The following NRXN3 variants were observed in gnomAD, a reference collection of about 807,000 sequenced individuals.
The protein encoded by NRXN3 is neurexin III.
In NRXN3, 32 loss-of-function variants were observed where a neutral mutation model predicts 137.6. That is an observed-to-expected ratio of 0.23 (90% confidence interval 0.18 to 0.31). NRXN3 has a LOEUF of 0.31. Among genes scored for constraint, NRXN3 ranks in the 10% least tolerant of loss-of-function variants. The probability of loss-of-function intolerance (pLI) is 1.00; values close to 1 mark genes in which losing one functional copy is unlikely to be tolerated. For synonymous variants in NRXN3, 798 were observed against 784.5 expected (o/e 1.02, Z -0.29); for missense variants, 1,574 against 2,062.5 (o/e 0.76, Z 4.59).
chr14:78,747,952 T>G (rs1477045399), intron 8 of NRXN3, among the ~76,000 whole-genome samples: 2 of 152,222 alleles, frequency 1.3e-5, no homozygotes, highest in African/African-American at 4.8e-5. Flanking sequence ...ATGCATTTTT[T>G]AAAGCACTTT....
At chr14:78,864,361 T>C (rs2099080944) in intron 10 of NRXN3, among the ~76,000 whole-genome samples, 1 of 152,128 alleles carries the variant, frequency 6.6e-6, no homozygotes, top group Non-Finnish European at 1.5e-5. Flanking sequence ...AATTTGCAAA[T>C]TGAGAATAAT....
At chr14:79,449,048 G>A (rs2096119620) in intron 15 of NRXN3, among the ~76,000 whole-genome samples, 1 of 152,188 alleles carries the variant, frequency 6.6e-6, no homozygotes, top group Non-Finnish European at 1.5e-5. Flanking sequence ...TTCTCTCGCA[G>A]AACAAATGAT....
chr14:78,769,152 G>C (rs2098718849), intron 8 of NRXN3, among the ~76,000 whole-genome samples: 1 of 152,170 alleles, frequency 6.6e-6, no homozygotes, highest in African/African-American at 2.4e-5. Flanking sequence ...GGCTACTTAT[G>C]AATAACAAAA....
chr14:78,464,983 A>T (rs1286670731), intron 4 of NRXN3, among the ~76,000 whole-genome samples: 1 of 152,188 alleles, frequency 6.6e-6, no homozygotes, highest in African/African-American at 2.4e-5. Flanking sequence ...AGTTGATTCT[A>T]AAGAGTTTGT....
chr14:79,332,871 T>C (rs1281125648), intron 15 of NRXN3, among the ~76,000 whole-genome samples: 1 of 152,216 alleles, frequency 6.6e-6, no homozygotes, highest in Non-Finnish European at 1.5e-5. Context: ...CAAGGGACTG[T>C]CTTAGGAAAT....
chr14:79,134,517 T>G (rs2058018258), intron 15 of NRXN3, among the ~76,000 whole-genome samples: 1 of 152,216 alleles, frequency 6.6e-6, no homozygotes, highest in Non-Finnish European at 1.5e-5. Context: ...GGCACTCTTT[T>G]TAGAGCTAGA....
At chr14:79,049,799 C>A (rs1345370575) in intron 15 of NRXN3, among the ~76,000 whole-genome samples, 3 of 151,922 alleles carry the variant, frequency 2.0e-5, no homozygotes, top group Admixed American at 1.3e-4. Flanking sequence ...ATGAGATATA[C>A]CTATACCTAA....
chr14:78,649,513 T>G (rs1033808933), intron 5 of NRXN3, among the ~76,000 whole-genome samples: 2 of 151,242 alleles, frequency 1.3e-5, no homozygotes, highest in African/African-American at 2.4e-5. Context: ...TTGAATTTTG[T>G]GGGGAAGGTT....
chr14:79,843,947 A>T (rs1323023213), intron 20 of NRXN3, among the ~76,000 whole-genome samples: 1 of 151,952 alleles, frequency 6.6e-6, no homozygotes, highest in Non-Finnish European at 1.5e-5. Context: ...TCATTCTTGT[A>T]CCTTTGTGTC....
At chr14:79,294,934 C>A (rs961384410) in intron 15 of NRXN3, among the ~76,000 whole-genome samples, 2 of 152,056 alleles carry the variant, frequency 1.3e-5, no homozygotes, top group Admixed American at 6.6e-5. Context: ...GTTGTGACAA[C>A]CTCCCTTAAC....
intron 3 of NRXN3, among the ~76,000 whole-genome samples, chr14:78,285,732 C>T (rs929721251): frequency 5.3e-5 from 8 of 152,188 alleles, no homozygotes; most frequent in Admixed American, 1.3e-4. Flanking sequence ...AAAGAAAGTC[C>T]GCTTTTTATT....
At chr14:78,264,404 A>G (rs2071340855) in intron 2 of NRXN3, among the ~76,000 whole-genome samples, 1 of 152,160 alleles carries the variant, frequency 6.6e-6, no homozygotes, top group Non-Finnish European at 1.5e-5. Context: ...CTGTATGTGC[A>G]GTGGGGTGGC....
chr14:78,218,586 A>T (rs931865137), intron 1 of NRXN3, among the ~76,000 whole-genome samples: 1 of 152,238 alleles, frequency 6.6e-6, no homozygotes, highest in Admixed American at 6.5e-5. Context: ...AGAATAAAGC[A>T]ATACCAAAGG....
At chr14:79,841,727 C>T (rs1435729544) in intron 20 of NRXN3, among the ~76,000 whole-genome samples, 3 of 152,156 alleles carry the variant, frequency 2.0e-5, no homozygotes, top group Admixed American at 6.5e-5. Flanking sequence ...TTATCTTTAG[C>T]CTACACAACT....
intron 15 of NRXN3, among the ~76,000 whole-genome samples, chr14:79,114,943 T>G (rs1413280360): frequency 2.0e-5 from 3 of 152,180 alleles, no homozygotes; most frequent in African/African-American, 4.8e-5. Context: ...GTATTATCTT[T>G]AAATACGACA....
chr14:79,403,918 G>A (rs1444285680), intron 15 of NRXN3, among the ~76,000 whole-genome samples: 3 of 152,114 alleles, frequency 2.0e-5, no homozygotes, highest in Non-Finnish European at 2.9e-5. Flanking sequence ...TCACCTCCTC[G>A]ATTTTATTCA....
chr14:79,731,479 C>A (rs1409779254), intron 19 of NRXN3, among the ~76,000 whole-genome samples: 1 of 152,156 alleles, frequency 6.6e-6, no homozygotes, highest in African/African-American at 2.4e-5. Flanking sequence ...ACATTCATTC[C>A]TTCCAGATAT....
intron 15 of NRXN3, among the ~76,000 whole-genome samples, chr14:79,077,391 A>G (rs1341910555): frequency 2.6e-5 from 4 of 152,014 alleles, no homozygotes; most frequent in Non-Finnish European, 5.9e-5. Context: ...CTGGAAAGCA[A>G]TTTTTTTCTA....
At position 78,967,371 on chromosome 14, in the gene NRXN3, A is replaced by G; in HGVS notation, c.2941A>G (p.Asn981Asp). 1 of 1,613,684 alleles carries G rather than the reference A, an allele frequency of 6.2e-7. No homozygotes were observed. The highest frequency in any genetic ancestry group is 8.5e-7 in the Non-Finnish European group (1 of 1,179,786). Residue 981 changes from asparagine (N) to aspartate (D), a missense_variant, in exon 13 of 21, where the codon AAT (asparagine) becomes GAT (aspartate). Transcript: ENST00000335750. ...CACCAAAGTGGTCACTCAGGTTATCAATGGTGCCAAAAATCTGGATTTGAA... is the reference window on the plus strand; with the variant it reads ...CACCAAAGTGGTCACTCAGGTTATCGATGGTGCCAAAAATCTGGATTTGAA... ...VDTKVVTQVI[N>D]GAKNLDLKGD...
Sources: gnomAD v4.1 joint callset for allele counts (sites outside exome capture counted in the v4.1 genomes callset) on GRCh38, gnomAD v4.1.1 for gene constraint, MANE v1.5 for transcripts, NCBI Gene and HGNC (gene_info 2026-07-23, HGNC 2026-07-21) for gene names.